Variants in RASGRP1 observed in about 807,000 individuals in gnomAD.
The protein encoded by RASGRP1 is RAS guanyl-releasing protein 1.
In RASGRP1, 37 loss-of-function variants were observed where a neutral mutation model predicts 95.1. That is an observed-to-expected ratio of 0.39 (90% CI 0.30 to 0.51). The LOEUF is 0.51. RASGRP1 is among the 20% of genes least tolerant of loss of function. The pLI is 0.80. For synonymous variants in RASGRP1, 325 were observed against 353.4 expected, an observed-to-expected ratio of 0.92 and a Z score of 0.90; for missense variants, 711 against 965.4, an observed-to-expected ratio of 0.74 and a Z score of 3.49.
intron 15 of RASGRP1, among the ~76,000 whole-genome samples, chr15:38,498,362 C>G (rs887253181): frequency 1.3e-5 from 2 of 152,160 alleles, no homozygotes; most frequent in Non-Finnish European, 2.9e-5. Flanking sequence ...TTTGAATGCA[C>G]TATGCCTTTT....
chr15:38,514,999 A>C (rs1891703659), intron 6 of RASGRP1, among the ~76,000 whole-genome samples: 1 of 152,198 alleles, frequency 6.6e-6, no homozygotes, highest in South Asian at 2.1e-4. Context: ...CAGAGAATGG[A>C]GAGTTAATGC....
At position 38,559,987 on chromosome 15, in the gene RASGRP1, G is replaced by A; in HGVS notation, c.54C>T (p.Cys18=). 4 of 1,612,146 alleles carry A rather than the reference G, an allele frequency of 2.5e-6. No individual in the cohort carries two copies. The highest frequency in any genetic ancestry group is 2.5e-6 in the Non-Finnish European group (3 of 1,179,090). The change falls in exon 2 of 17, where the codon TGC becomes TGT. Residue 18 remains cysteine (C), a synonymous_variant. Coordinates refer to ENST00000310803, the MANE Select transcript of RASGRP1 (RefSeq NM_005739.4). ...CTAGTCTTGCTTTAGAGGCAGCTCT[G>A]CAGCCATGGGAAGGTTTCCTGGGGA... is the stretch of plus-strand genomic sequence containing the variant. ...REAPRKPSHG[C]RAASKARLEA...
chr15:38,533,461 T>C (rs149016369), intron 2 of RASGRP1, among the ~76,000 whole-genome samples: 1 of 152,284 alleles, frequency 6.6e-6, no homozygotes, highest in African/African-American at 2.4e-5. Flanking sequence ...AAATCCTGTT[T>C]GGAGACTGTA....
chr15:38,505,428 C>T (rs1456483256), intron 10 of RASGRP1, among the ~76,000 whole-genome samples: 1 of 152,164 alleles, frequency 6.6e-6, no homozygotes, highest in South Asian at 2.1e-4. Context: ...ACGCATATTA[C>T]TCTCATTATC....
At chr15:38,502,833 C>G (rs1891092471) in intron 11 of RASGRP1, 1 of 227,390 alleles carries the variant, frequency 4.4e-6, no homozygotes, top group Non-Finnish European at 8.6e-6. Context: ...CCGTTACGCT[C>G]TTAGTTTTCC....
chr15:38,499,150 A>G (rs751438659), intron 14 of RASGRP1: 1 of 728,298 alleles, frequency 1.4e-6, no homozygotes. Context: ...AGCCCTTATC[A>G]GTGAATCTCA....
In RASGRP1 at chr15:38,504,669, A is replaced by G. The variant is rs557660952; in HGVS notation, c.1323+1171T>C. 2.6e-5 allele frequency: 4 copies of G among 152,280 alleles called. No homozygotes were observed. In the East Asian group the frequency reaches 5.8e-4, roughly 22 times the overall value. 9.4% of individuals were successfully genotyped at this position (152,280 alleles called of 1,614,324 possible). On this transcript the variant is annotated intron_variant, in intron 10 of 16. Transcript: ENST00000310803. ...AGGAATGCACTCTAAAATAATGATA[A>G]AAAGTATTGTATAGTAAGTGCATAA...
At chr15:38,500,233 T>C (rs1890959068) in intron 13 of RASGRP1, 94 bp from the exon 14 acceptor site, 3 of 1,317,924 alleles carry the variant, frequency 2.3e-6, no homozygotes, top group Non-Finnish European at 3.2e-6. Flanking sequence ...CATTTTACTC[T>C]CTAGCTCAAG....
rs1271852302 is a variant in RASGRP1, at chr15:38,494,887, G to A, written c.1874-120C>T. ...ACTGGAGTTCCATATGTTCAAAGAG[G>A]ACCCATTTTCAGGCACCCAGTTTAG... On this transcript the variant is annotated intron_variant, in intron 15 of 16. Transcript: ENST00000310803. 9.0e-6 allele frequency: 9 copies of A among 998,630 alleles called. No homozygotes were observed. In the East Asian group the frequency reaches 2.9e-4, roughly 32 times the overall value. The allele number at this position is 998,630 out of a possible 1,614,324, so 61.9% of individuals were successfully genotyped here.
intron 7 of RASGRP1, 143 bp from the exon 8 acceptor site, chr15:38,511,863 C>T: frequency 1.6e-6 from 1 of 616,932 alleles, no homozygotes. Context: ...ATTTCCTGTC[C>T]ATGTCTCCCC....
intron 10 of RASGRP1, chr15:38,503,589 A>G (rs1276447432): frequency 3.0e-5 from 17 of 561,964 alleles, no homozygotes; most frequent in South Asian, 1.2e-4. Context: ...TGCTCTTCAC[A>G]TACATTATCT....
intron 13 of RASGRP1, among the ~76,000 whole-genome samples, chr15:38,500,656 G>T (rs1375637242): frequency 6.7e-6 from 1 of 148,696 alleles, no homozygotes; most frequent in Non-Finnish European, 1.5e-5. Flanking sequence ...CTCACTAGCA[G>T]CCTTATGACC....
At chr15:38,503,209 C>T in intron 11 of RASGRP1, 63 bp downstream of exon 11, 1 of 1,322,324 alleles carries the variant, frequency 7.6e-7, no homozygotes, top group Non-Finnish European at 1.1e-6. Flanking sequence ...CTCCCTTTAC[C>T]CCACATACAA....
At chr15:38,501,858 T>TA (rs1429879061) in intron 12 of RASGRP1, among the ~76,000 whole-genome samples, 1 of 98,630 alleles carries the variant, frequency 1.0e-5, no homozygotes, top group Non-Finnish European at 2.2e-5. Context: ...TCAGTTTTTG[T>TA]TTTTTTTTTT....
chr15:38,538,942 C>T (rs1300513797), intron 2 of RASGRP1, among the ~76,000 whole-genome samples: 1 of 152,198 alleles, frequency 6.6e-6, no homozygotes, highest in East Asian at 1.9e-4. Flanking sequence ...AACCCTCACC[C>T]TGGTGCTGAA....
At chr15:38,492,206 G>GT (rs1470759333) in intron 16 of RASGRP1, among the ~76,000 whole-genome samples, 1 of 152,164 alleles carries the variant, frequency 6.6e-6, no homozygotes, top group African/African-American at 2.4e-5. Flanking sequence ...CATTGACTTG[G>GT]TTTTTACAGC....
chr15:38,503,531 C>T, intron 10 of RASGRP1, 155 bp from the exon 11 acceptor site: 1 of 666,588 alleles, frequency 1.5e-6, no homozygotes, highest in Non-Finnish European at 2.6e-6. Context: ...ATTGAAATCT[C>T]TACTAATAAT....
At chr15:38,510,559 C>T (rs1370600724) in intron 8 of RASGRP1, among the ~76,000 whole-genome samples, 2 of 152,222 alleles carry the variant, frequency 1.3e-5, no homozygotes, top group African/African-American at 4.8e-5. Context: ...AGGATTGGGG[C>T]TTGAGTATAG....
At chr15:38,529,553 C>T (rs1892358971) in intron 2 of RASGRP1, among the ~76,000 whole-genome samples, 2 of 152,216 alleles carry the variant, frequency 1.3e-5, no homozygotes, top group Admixed American at 1.3e-4. Flanking sequence ...ATTCCTTACC[C>T]TGCCTGAGTT....
Sources: gnomAD v4.1 joint callset for allele counts (sites outside exome capture counted in the v4.1 genomes callset) on GRCh38, gnomAD v4.1.1 for gene constraint, MANE v1.5 for transcripts, NCBI Gene and HGNC (gene_info 2026-07-23, HGNC 2026-07-21) for gene names.